Variants in C8orf34 observed in about 807,000 individuals in gnomAD.
C8orf34 encodes the protein uncharacterized protein C8orf34.
A neutral mutation model predicts 68.3 loss-of-function variants in C8orf34; 65 were observed. That is an observed-to-expected ratio of 0.95 (90% CI 0.78 to 1.17). The LOEUF is 1.17. Among genes scored for constraint, C8orf34 ranks in the 50% most tolerant of loss-of-function variants. The pLI is 0.00. For synonymous variants in C8orf34, 244 were observed against 241.2 expected, an observed-to-expected ratio of 1.01 and a Z score of -0.11; for missense variants, 664 against 655.4, an observed-to-expected ratio of 1.01 and a Z score of -0.14.
intron 8 of C8orf34, among the ~76,000 whole-genome samples, chr8:68,677,106 A>T (rs969024302): frequency 6.6e-6 from 1 of 151,984 alleles, no homozygotes; most frequent in Non-Finnish European, 1.5e-5. Flanking sequence ...ATAAAACGGG[A>T]AATCAATAAC....
At chr8:68,747,638 G>A (rs1238339756) in intron 10 of C8orf34, among the ~76,000 whole-genome samples, 12 of 151,958 alleles carry the variant, frequency 7.9e-5, no homozygotes, top group African/African-American at 2.7e-4. Flanking sequence ...ATTCACAATT[G>A]CTTCAAAGAG....
At chr8:68,475,157 C>A (rs1489380098) in intron 4 of C8orf34, among the ~76,000 whole-genome samples, 1 of 152,196 alleles carries the variant, frequency 6.6e-6, no homozygotes, top group Non-Finnish European at 1.5e-5. Context: ...ACCATCAGCT[C>A]CTTCCACTGC....
chr8:68,455,646 A>G lies in C8orf34; in HGVS notation c.607+9186A>G, dbSNP rs1811513884. Reference sequence around the variant, plus strand: ...CTTCTGTTCTTTTAGTATTACCATTATATGTCAGCACATTATACATGTAGA... The same window carrying G: ...CTTCTGTTCTTTTAGTATTACCATTGTATGTCAGCACATTATACATGTAGA... On this transcript the variant is annotated intron_variant, in intron 3 of 13. Transcript: ENST00000518698. 2.0e-5 allele frequency among the ~76,000 whole-genome samples: 3 copies of G among 152,110 alleles called. No individual in the cohort carries two copies. The South Asian group carries it at 6.2e-4, about 31-fold the overall frequency.
chr8:68,476,222 T>C (rs1376053267), intron 4 of C8orf34, among the ~76,000 whole-genome samples: 3 of 152,190 alleles, frequency 2.0e-5, no homozygotes, highest in Non-Finnish European at 4.4e-5. Context: ...CAAGCTTACA[T>C]TTTAGTAGTG....
At chr8:68,746,690 G>T (rs1213955779) in intron 10 of C8orf34, among the ~76,000 whole-genome samples, 1 of 147,888 alleles carries the variant, frequency 6.8e-6, no homozygotes, top group Non-Finnish European at 1.5e-5. Flanking sequence ...CCAGGAAGAA[G>T]TTGAATCTCT....
At chr8:68,585,021 G>A (rs1817167694) in intron 7 of C8orf34, among the ~76,000 whole-genome samples, 1 of 152,128 alleles carries the variant, frequency 6.6e-6, no homozygotes, top group Non-Finnish European at 1.5e-5. Flanking sequence ...CGTGGGCTTG[G>A]GGAAATTGCT....
chr8:68,433,458 T>C (rs1180604147), intron 1 of C8orf34, among the ~76,000 whole-genome samples: 2 of 152,150 alleles, frequency 1.3e-5, no homozygotes, highest in African/African-American at 4.8e-5. Flanking sequence ...AATTTGGAAA[T>C]GGTTTTAACT....
At chr8:68,376,523 G>A (rs533724071) in intron 1 of C8orf34, among the ~76,000 whole-genome samples, 2 of 152,030 alleles carry the variant, frequency 1.3e-5, no homozygotes, top group Non-Finnish European at 2.9e-5. Flanking sequence ...GTCGGACCCA[G>A]ATAATCCGAA....
intron 1 of C8orf34, chr8:68,438,513 C>T (rs1810758604): frequency 6.6e-6 from 1 of 152,114 alleles, no homozygotes; most frequent in African/African-American, 2.4e-5. Context: ...TTTGTTAGCT[C>T]TCTTAATATC....
At chr8:68,739,362 C>T (rs1822215435) in intron 10 of C8orf34, among the ~76,000 whole-genome samples, 1 of 151,718 alleles carries the variant, frequency 6.6e-6, no homozygotes, top group Non-Finnish European at 1.5e-5. Flanking sequence ...GCTGGAAGAG[C>T]TCCTTCAGCT....
chr8:68,613,449 C>CG (rs1255276331), intron 7 of C8orf34, among the ~76,000 whole-genome samples: 12 of 150,378 alleles, frequency 8.0e-5, no homozygotes, highest in African/African-American at 2.2e-4. Flanking sequence ...CCCCTCCCCC[C>CG]ACACAACAGT....
At chr8:68,435,408 AG>A (rs1563436335) in intron 1 of C8orf34, among the ~76,000 whole-genome samples, 3 of 152,042 alleles carry the variant, frequency 2.0e-5, no homozygotes, top group African/African-American at 7.2e-5. Flanking sequence ...CTGAAGTTTG[AG>A]GGGGTATCAC....
At chr8:68,775,679 G>C (rs1823495141) in intron 10 of C8orf34, among the ~76,000 whole-genome samples, 1 of 152,152 alleles carries the variant, frequency 6.6e-6, no homozygotes, top group Non-Finnish European at 1.5e-5. Context: ...CAAATTTATA[G>C]AATATAGAAT....
intron 4 of C8orf34, among the ~76,000 whole-genome samples, chr8:68,476,898 T>C (rs1419984033): frequency 1.3e-5 from 2 of 152,166 alleles, no homozygotes; most frequent in Non-Finnish European, 2.9e-5. Flanking sequence ...CACAAAAGAA[T>C]GTTTGTAAGG....
At chr8:68,359,927 C>T (rs138984930) in intron 1 of C8orf34, among the ~76,000 whole-genome samples, 1 of 152,280 alleles carries the variant, frequency 6.6e-6, no homozygotes, top group East Asian at 1.9e-4. Context: ...GTATCAGCAG[C>T]TGCCTTCACA....
At chr8:68,386,918 C>T (rs1808286487) in intron 1 of C8orf34, among the ~76,000 whole-genome samples, 1 of 152,012 alleles carries the variant, frequency 6.6e-6, no homozygotes, top group South Asian at 2.1e-4. Flanking sequence ...CAGACATTGC[C>T]AAAAGTGCCC....
intron 9 of C8orf34, among the ~76,000 whole-genome samples, chr8:68,719,732 C>G (rs1821614447): frequency 6.6e-6 from 1 of 151,720 alleles, no homozygotes; most frequent in Non-Finnish European, 1.5e-5. Flanking sequence ...AAAAAATTAG[C>G]AAATCCATGA....
intron 3 of C8orf34, among the ~76,000 whole-genome samples, chr8:68,452,624 A>G (rs957151821): frequency 1.4e-4 from 21 of 148,864 alleles, no homozygotes; most frequent in Admixed American, 6.8e-5. Flanking sequence ...GTTACTCTTT[A>G]TTCTTGAGTT....
chr8:68,516,934 C>A (rs1411774821), intron 5 of C8orf34, among the ~76,000 whole-genome samples: 1 of 152,072 alleles, frequency 6.6e-6, no homozygotes, highest in Non-Finnish European at 1.5e-5. Flanking sequence ...GCCACCACAC[C>A]CTGCCTGCTT....
Sources: gnomAD v4.1 joint callset for allele counts (sites outside exome capture counted in the v4.1 genomes callset) on GRCh38, gnomAD v4.1.1 for gene constraint, MANE v1.5 for transcripts, NCBI Gene and HGNC (gene_info 2026-07-23, HGNC 2026-07-21) for gene names.